PKDCC: variants seen among roughly 807,000 people sequenced by gnomAD.
PKDCC encodes the protein protein kinase domain containing, cytoplasmic, also known as extracellular tyrosine-protein kinase PKDCC.
In PKDCC, 35 loss-of-function variants were observed where a neutral mutation model predicts 44.7. The ratio of observed to expected loss-of-function variants is 0.78; its 90% CI spans 0.60 to 1.04. The LOEUF (loss-of-function observed/expected upper bound fraction) is 1.04, where lower values mean the gene tolerates loss of function less well. Ranked by LOEUF, PKDCC falls within the 50% of genes least tolerant of loss-of-function variation. The probability of loss-of-function intolerance (pLI) is 0.00; values close to 1 mark genes in which losing one functional copy is unlikely to be tolerated. For synonymous variants in PKDCC, 353 were observed against 303.3 expected (o/e 1.16, Z -1.70); for missense variants, 738 against 672.7 (o/e 1.10, Z -1.07).
chr2:42,048,257 T>A lies in PKDCC; in HGVS notation c.58T>A (p.Ser20Thr). The change falls in exon 1 of 7, where the codon TCC becomes ACC. Residue 20 changes from serine to threonine, a missense_variant. Coordinates refer to ENST00000294964, the MANE Select transcript of PKDCC (RefSeq NM_138370.3). This position sits in a 1 kb window ranked among gnomAD's most constrained non-coding sequence, Gnocchi z 6.2. ...AGFCASFLLG[S>T]VLNVLFAPGS... Reference sequence around the variant, plus strand: ...TTTCTGCGCCTCCTTCCTGCTGGGCTCCGTCCTCAACGTGCTCTTCGCTCC... The same window carrying A: ...TTTCTGCGCCTCCTTCCTGCTGGGCACCGTCCTCAACGTGCTCTTCGCTCC... The A allele has an allele frequency of 7.8e-7, 1 of 1,284,344 alleles. No individual in the cohort carries two copies. The highest frequency in any genetic ancestry group is 9.9e-7 in the Non-Finnish European group (1 of 1,005,472). 79.6% of individuals were successfully genotyped at this position (1,284,344 alleles called of 1,614,324 possible).
At position 42,054,003 on chromosome 2, in the gene PKDCC, AAGCAGTGAGC is replaced by A. The variant is rs766062645; in HGVS notation, c.763-30_763-21del. 10 of 1,592,938 alleles carry A rather than the reference AAGCAGTGAGC, an allele frequency of 6.3e-6. No homozygotes were observed. Among genetic ancestry groups the A allele is most frequent in the Middle Eastern group, 2.3e-4 (1 of 4,348 alleles). On this transcript the variant is annotated intron_variant, in intron 2 of 6. Transcript: ENST00000294964. This position sits in a 1 kb window ranked among gnomAD's most constrained non-coding sequence, Gnocchi z 6.1. ...CCCACAGACCCCCAACCCAGGAGAA[AAGCAGTGAGC>A]AGTCTTTTCTTGTGCCCCTCAGATC...
Position 42,048,282 on chromosome 2 carries a change from C to G in PKDCC, c.83C>G (p.Pro28Arg). The G allele has an allele frequency of 1.6e-6, 2 of 1,276,946 alleles. No individual in the cohort carries two copies. The highest frequency in any genetic ancestry group is 2.0e-6 in the Non-Finnish European group (2 of 1,005,808). 79.1% of individuals were successfully genotyped at this position (1,276,946 alleles called of 1,614,324 possible). A position where few individuals can be genotyped will look rare whatever the true frequency, so the allele number is the denominator to read the frequency against. The change falls in exon 1 of 7, where the codon CCG becomes CGG. Residue 28 changes from proline to arginine, a missense_variant. Pro to Arg is a moderately radical substitution (Grantham distance 103). Coordinates refer to ENST00000294964, the MANE Select transcript of PKDCC (RefSeq NM_138370.3). The surrounding 1 kb of genome is among the most constrained non-coding windows in gnomAD (Gnocchi z 6.2). ...LGSVLNVLFA[P>R]GSEPPRPGQS... is the part of the protein sequence containing the mutation. ...TCCGTCCTCAACGTGCTCTTCGCTC[C>G]GGGCTCGGAGCCTCCGAGGCCAGGC...
chr2:42,057,976 C>A lies in PKDCC; in HGVS notation c.*288C>A. The A allele has an allele frequency of 2.2e-6, 1 of 457,354 alleles. No homozygotes were observed. Among genetic ancestry groups the A allele is most frequent in the Non-Finnish European group, 4.0e-6 (1 of 252,532 alleles). 28.3% of individuals were successfully genotyped at this position (457,354 alleles called of 1,614,324 possible). ...GTAAGCAAGCTCAGGCTAGTCTCCCCACTGGGGGCTGTGCCCCTCCCTGGG... is the reference window on the plus strand; with the variant it reads ...GTAAGCAAGCTCAGGCTAGTCTCCCAACTGGGGGCTGTGCCCCTCCCTGGG... On this transcript the variant is annotated 3_prime_UTR_variant, in exon 7 of 7. Coordinates refer to ENST00000294964, the MANE Select transcript of PKDCC (RefSeq NM_138370.3).
chr2:42,051,969 A>G lies in PKDCC; in HGVS notation c.640-1270A>G, dbSNP rs935307918. On this transcript the variant is annotated intron_variant, in intron 1 of 6. Transcript: ENST00000294964. This position sits in a 1 kb window ranked among gnomAD's most constrained non-coding sequence, Gnocchi z 4.2. ...TGGACAACTCAGCCTTCGTGTTTCT[A>G]CCCCACAGGGTGCTGGTTGTTTTGA... 4.0e-5 allele frequency among the ~76,000 whole-genome samples: 6 copies of G among 151,766 alleles called. No homozygotes were observed. Among genetic ancestry groups the G allele is most frequent in the Admixed American group, 1.3e-4 (2 of 15,252 alleles).
At position 42,054,203 on chromosome 2, in the gene PKDCC, C is replaced by T. The variant is rs939154455; in HGVS notation, c.930C>T (p.Thr310=). 3 of 1,605,816 alleles carry T rather than the reference C, an allele frequency of 1.9e-6. No homozygotes were observed. The highest frequency in any genetic ancestry group is 1.7e-5 in the Admixed American group (1 of 58,860). The part of the protein sequence containing the change: ...RVEETPCAGS[T]DCILEFPARN... ...AGGAGACGCCGTGTGCAGGCAGCAC[C>T]GACTGCATACTCGAGTTTCCGGCCA... Residue 310 remains threonine (T), a synonymous_variant, in exon 3 of 7, where the codon ACC becomes ACT. Coordinates refer to ENST00000294964, the MANE Select transcript of PKDCC (RefSeq NM_138370.3). The surrounding 1 kb of genome is among the most constrained non-coding windows in gnomAD (Gnocchi z 6.1).
intron 2 of PKDCC, 50 bp downstream of exon 2, chr2:42,053,411 T>TG (rs762523736): frequency 6.4e-7 from 1 of 1,558,110 alleles, no homozygotes; most frequent in East Asian, 2.3e-5. Context: ...AGGATGGTTC[T>TG]GCCTTAGAAG....
chr2:42,054,052 G>A lies in PKDCC; in HGVS notation c.779G>A (p.Gly260Asp), dbSNP rs747195223. Residue 260 changes from glycine to aspartate, a missense_variant, in exon 3 of 7, where the codon GGC (glycine) becomes GAC (aspartate). Transcript: ENST00000294964. This position sits in a 1 kb window ranked among gnomAD's most constrained non-coding sequence, Gnocchi z 6.1. ...EDRFRICLSL[G>D]RLLHHLAHSP... ...GCCCCTCAGATCTGCCTGAGCCTGG[G>A]CCGCCTCCTCCACCACCTGGCCCAC... The A allele has an allele frequency of 6.2e-7, 1 of 1,611,580 alleles. No individual in the cohort carries two copies. Among genetic ancestry groups the A allele is most frequent in the Non-Finnish European group, 8.5e-7 (1 of 1,179,678 alleles).
rs1243478464 is a variant in PKDCC, at chr2:42,057,214, C to T, written c.1223-7C>T. 1 of 1,613,856 alleles carries T rather than the reference C, an allele frequency of 6.2e-7. No individual in the cohort carries two copies. Among genetic ancestry groups the T allele is most frequent in the South Asian group, 1.1e-5 (1 of 91,060 alleles). On this transcript the variant is annotated splice_region_variant and splice_polypyrimidine_tract_variant and intron_variant, in intron 5 of 6. Coordinates refer to ENST00000294964, the MANE Select transcript of PKDCC (RefSeq NM_138370.3). ...AATTCTCATTTTACTCCATCCCCAA[C>T]CCACAGAGTACCAGTGTATCCCAGA... is the stretch of plus-strand genomic sequence containing the variant.
At chr2:42,053,697 T>A (rs901106491) in intron 2 of PKDCC, among the ~76,000 whole-genome samples, 26 of 152,280 alleles carry the variant, frequency 1.7e-4, no homozygotes, top group African/African-American at 5.5e-4. Context: ...AAGACCTTAA[T>A]ACCATCCTGA....
chr2:42,057,795 C>A lies in PKDCC; in HGVS notation c.*107C>A. The A allele has an allele frequency of 1.1e-6, 1 of 902,130 alleles. No homozygotes were observed. The highest frequency in any genetic ancestry group is 1.7e-6 in the Non-Finnish European group (1 of 581,126). The allele number at this position is 902,130 out of a possible 1,614,324, so 55.9% of individuals were successfully genotyped here. ...ACTGCATGTCACCTGGGAACCCCTG[C>A]AGACAAAGCTAACATCCCAGACAGA... On this transcript the variant is annotated 3_prime_UTR_variant, in exon 7 of 7. Coordinates refer to ENST00000294964, the MANE Select transcript of PKDCC (RefSeq NM_138370.3).
At chr2:42,053,986 C>T in intron 2 of PKDCC, 50 bp from the exon 3 acceptor site, 1 of 1,580,136 alleles carries the variant, frequency 6.3e-7, no homozygotes, top group Non-Finnish European at 8.6e-7. Context: ...GTCCCACAGA[C>T]CCCCAACCCA....
intron 1 of PKDCC, among the ~76,000 whole-genome samples, chr2:42,049,121 T>C (rs1278314975): frequency 6.6e-6 from 1 of 152,042 alleles, no homozygotes; most frequent in Non-Finnish European, 1.5e-5. Flanking sequence ...GGGCAGTCCA[T>C]TAGGATTTAG....
At chr2:42,053,562 C>A in intron 2 of PKDCC, 1 of 658,916 alleles carries the variant, frequency 1.5e-6, no homozygotes, top group Non-Finnish European at 2.5e-6. Context: ...TGTGCTCTTG[C>A]CCTCCTCACC....
chr2:42,053,413 C>T, intron 2 of PKDCC, 52 bp downstream of exon 2: 1 of 1,549,288 alleles, frequency 6.5e-7, no homozygotes, highest in Non-Finnish European at 8.7e-7. Flanking sequence ...GATGGTTCTG[C>T]CTTAGAAGGC....
At chr2:42,049,146 C>G (rs1165360951) in intron 1 of PKDCC, among the ~76,000 whole-genome samples, 1 of 152,136 alleles carries the variant, frequency 6.6e-6, no homozygotes, top group Non-Finnish European at 1.5e-5. Flanking sequence ...CTACTCCGGG[C>G]TGGAGTTAGG....
rs1359349147 is a variant in PKDCC at position 42,048,497 on chromosome 2, C to T, written c.298C>T (p.Pro100Ser). The T allele has an allele frequency of 7.5e-6, 8 of 1,066,440 alleles. No individual in the cohort carries two copies. The African/African-American group carries it at 8.5e-5, about 11-fold the overall frequency. 66.1% of individuals were successfully genotyped at this position (1,066,440 alleles called of 1,614,324 possible). A position where few individuals can be genotyped will look rare whatever the true frequency, so the allele number is the denominator to read the frequency against. ...TCCGGGCGGGCCCGGCCTGCCGCGC[C>T]CCCGGCCCCCTTGGGCCCGGCCCCT... ...LAPGGPGLPR[P>S]RPPWARPLSD... is the part of the protein sequence containing the mutation. The change falls in exon 1 of 7, where the codon CCC (proline) becomes TCC (serine). Residue 100 changes from proline (P) to serine (S), a missense_variant. Physicochemically the swap from Pro to Ser is moderately conservative, Grantham distance 74 (BLOSUM62 -1). Transcript: ENST00000294964. The surrounding 1 kb of genome is among the most constrained non-coding windows in gnomAD (Gnocchi z 6.2).
chr2:42,055,611 G>A lies in PKDCC; in HGVS notation c.1222+218G>A. 1.8e-6 allele frequency: 1 copy of A among 551,988 alleles called. No homozygotes were observed. Among genetic ancestry groups the A allele is most frequent in the Non-Finnish European group, 3.3e-6 (1 of 307,278 alleles). 34.2% of individuals were successfully genotyped at this position (551,988 alleles called of 1,614,324 possible). On this transcript the variant is annotated intron_variant, in intron 5 of 6. Transcript: ENST00000294964. This position sits in a 1 kb window ranked among gnomAD's most constrained non-coding sequence, Gnocchi z 4.5. ...GCAACTATAATTCTGCCTTCAACCT[G>A]GGGTTGGGCACTGATACCCCTACTC...
rs1668041643 is a variant in PKDCC at position 42,055,666 on chromosome 2, G to A, written c.1222+273G>A. 2.6e-6 allele frequency: 1 copy of A among 386,638 alleles called. No individual in the cohort carries two copies. The highest frequency in any genetic ancestry group is 4.6e-5 in the South Asian group (1 of 21,536). 24.0% of individuals were successfully genotyped at this position (386,638 alleles called of 1,614,324 possible). Reference sequence around the variant, plus strand: ...TGGCTCCAAACCCTATCATGTACTGGCTATATGACTTTGAGCAAGTTACCC... The same window carrying A: ...TGGCTCCAAACCCTATCATGTACTGACTATATGACTTTGAGCAAGTTACCC... On this transcript the variant is annotated intron_variant, in intron 5 of 6. Coordinates refer to ENST00000294964, the MANE Select transcript of PKDCC (RefSeq NM_138370.3). The surrounding 1 kb of genome is among the most constrained non-coding windows in gnomAD (Gnocchi z 4.5).
In PKDCC at chr2:42,048,188, G is replaced by A. The variant is rs750438139; in HGVS notation, c.-12G>A. 13 of 1,121,710 alleles carry A rather than the reference G, an allele frequency of 1.2e-5. No individual in the cohort carries two copies. The South Asian group carries it at 3.7e-4, about 32-fold the overall frequency. The allele number at this position is 1,121,710 out of a possible 1,614,324, so 69.5% of individuals were successfully genotyped here. A position where few individuals can be genotyped will look rare whatever the true frequency, so the allele number is the denominator to read the frequency against. On this transcript the variant is annotated 5_prime_UTR_variant, in exon 1 of 7. Transcript: ENST00000294964. This position sits in a 1 kb window ranked among gnomAD's most constrained non-coding sequence, Gnocchi z 6.2. ...AGCCGCGCGGGGCCGGCCGGCCGGG[G>A]GGAGGGGAGCGATGCGGCGCCGGCG... is the stretch of plus-strand genomic sequence containing the variant.
Sources: gnomAD v4.1 joint callset for allele counts (sites outside exome capture counted in the v4.1 genomes callset) on GRCh38, gnomAD v4.1.1 for gene constraint, Gnocchi (gnomAD v3.1) non-coding constraint, MANE v1.5 for transcripts, NCBI Gene and HGNC (gene_info 2026-07-23, HGNC 2026-07-21) for gene names.